Variants in MORC4 observed in about 807,000 individuals in gnomAD.
MORC4 encodes MORC family CW-type zinc finger protein 4.
MORC4 carries 22 observed loss-of-function variants against 65.5 expected under a neutral mutation model. The observed-to-expected ratio is 0.34, with a 90% confidence interval of 0.24 to 0.48. MORC4 has a LOEUF of 0.48. Ranked by LOEUF, MORC4 falls within the 20% of genes least tolerant of loss-of-function variation. The probability of loss-of-function intolerance (pLI) is 0.99; values close to 1 mark genes in which losing one functional copy is unlikely to be tolerated. For missense variants in MORC4, 624 were observed against 703.0 expected (o/e 0.89, Z 1.27); for synonymous variants, 267 against 255.8 (o/e 1.04, Z -0.42).
At chrX:106,998,217 A>G (rs1038132459) in intron 2 of MORC4, among the ~76,000 whole-genome samples, 4 of 112,199 alleles carry the variant, frequency 3.6e-5, no homozygotes, top group Non-Finnish European at 5.6e-5. Context: ...TATTATTAAT[A>G]TTTTCACAAA....
intron 9 of MORC4, among the ~76,000 whole-genome samples, chrX:106,971,852 C>A (rs992021056): frequency 8.9e-6 from 1 of 111,777 alleles, no homozygotes; most frequent in Non-Finnish European, 1.9e-5. Flanking sequence ...AAATAGGAAC[C>A]CTTTGACACT....
intron 8 of MORC4, among the ~76,000 whole-genome samples, chrX:106,977,295 G>A (rs1403377987): frequency 1.8e-5 from 2 of 111,332 alleles, no homozygotes; most frequent in Non-Finnish European, 3.8e-5. Context: ...ACACAAACAC[G>A]AGTTGTCTAA....
At chrX:106,947,464 A>G in intron 14 of MORC4, among the ~76,000 whole-genome samples, 2 of 101,925 alleles carry the variant, frequency 2.0e-5, no homozygotes, top group Middle Eastern at 5.2e-3. Flanking sequence ...ATTATTGTTG[A>G]ATTGTCTATT....
Position 106,958,338 on chromosome X carries a change from G to A in MORC4, c.1383C>T (p.Tyr461=). ...WFCYYNSHPK[Y]RRCSVPEEQE... ...AAGATTGAGTCCTGGAACCTTACCT[G>A]TACTTTGGATGGGAATTATAATAAC... Residue 461 remains tyrosine, a splice_region_variant and synonymous_variant, in exon 11 of 17, where the codon TAC becomes TAT. Transcript: ENST00000355610. The A allele has an allele frequency of 8.3e-7, 1 of 1,202,859 alleles. No individual in the cohort carries two copies. Among genetic ancestry groups the A allele is most frequent in the Non-Finnish European group, 1.1e-6 (1 of 889,933 alleles).
chrX:106,954,218 G>C (rs1287908996), intron 14 of MORC4, among the ~76,000 whole-genome samples: 2 of 112,601 alleles, frequency 1.8e-5, no homozygotes, highest in African/African-American at 3.2e-5. Flanking sequence ...AAGCAGAATA[G>C]AGAAGAGAAA....
At chrX:106,990,820 T>G (rs1286347025) in intron 3 of MORC4, among the ~76,000 whole-genome samples, 1 of 110,828 alleles carries the variant, frequency 9.0e-6, no homozygotes, top group East Asian at 2.8e-4. Context: ...TGCAATGAGC[T>G]GAGATCATGC....
At chrX:106,992,424 T>C (rs1935000574) in intron 3 of MORC4, among the ~76,000 whole-genome samples, 1 of 112,525 alleles carries the variant, frequency 8.9e-6, no homozygotes, top group Admixed American at 9.4e-5. Flanking sequence ...GTAATCAACC[T>C]CATCTGCTAA....
chrX:106,943,844 T>C (rs73638921), intron 14 of MORC4, among the ~76,000 whole-genome samples: 220 of 112,621 alleles, frequency 2.0e-3, no homozygotes, highest in African/African-American at 6.9e-3. Context: ...TGACAAAGAA[T>C]TCCCGTGCTC....
At chrX:106,989,887 G>A (rs1323076046) in intron 3 of MORC4, among the ~76,000 whole-genome samples, 4 of 95,035 alleles carry the variant, frequency 4.2e-5, no homozygotes, top group Non-Finnish European at 6.2e-5. Flanking sequence ...AAAAAACCCA[G>A]AAAACATAGA....
intron 10 of MORC4, among the ~76,000 whole-genome samples, chrX:106,961,339 A>C (rs1471330653): frequency 2.7e-5 from 3 of 112,218 alleles, no homozygotes; most frequent in African/African-American, 9.7e-5. Flanking sequence ...CTACTATATC[A>C]CACTACCAGT....
At chrX:106,977,522 A>AT (rs1934650640) in intron 8 of MORC4, among the ~76,000 whole-genome samples, 1 of 111,989 alleles carries the variant, frequency 8.9e-6, no homozygotes. Flanking sequence ...GGTTTAAAAA[A>AT]TATTTTCACA....
rs58310740 is a variant in MORC4 at position 106,941,371 on chromosome X, TGA to T, written c.*106_*107del. The T allele has an allele frequency of 0.051, 18,791 of 371,178 alleles. 44 individuals carry two copies. The highest frequency in any genetic ancestry group is 0.056 in the Non-Finnish European group (12,099 of 217,853). The allele number at this position is 371,178 out of a possible 1,213,427, so 30.6% of individuals were successfully genotyped here. ...TCTATATAAGGCATAAAGGTGAGGG[TGA>T]GAGAGAGAGAGAGAGAGAGAGAGAG... On this transcript the variant is annotated 3_prime_UTR_variant, in exon 17 of 17. Transcript: ENST00000355610.
chrX:106,955,346 T>G (rs1934082791), intron 13 of MORC4, among the ~76,000 whole-genome samples: 1 of 109,349 alleles, frequency 9.1e-6, no homozygotes, highest in Non-Finnish European at 1.9e-5. Context: ...ACCCCCAATA[T>G]AAACCCAGGC....
At chrX:106,996,234 G>C (rs1222754840) in intron 2 of MORC4, among the ~76,000 whole-genome samples, 2 of 100,383 alleles carry the variant, frequency 2.0e-5, no homozygotes, top group African/African-American at 7.5e-5. Flanking sequence ...TTTTAACACA[G>C]GCACTTCAGG....
chrX:106,960,183 C>T (rs1401503209), intron 10 of MORC4, among the ~76,000 whole-genome samples: 1 of 112,076 alleles, frequency 8.9e-6, no homozygotes, highest in Admixed American at 9.4e-5. Flanking sequence ...AAGAAAGGTC[C>T]TATTAGCTTC....
chrX:106,963,292 C>T, intron 9 of MORC4, among the ~76,000 whole-genome samples: 1 of 112,165 alleles, frequency 8.9e-6, no homozygotes, highest in South Asian at 3.7e-4. Context: ...GCAAAAGCTG[C>T]ATGATGTAAC....
chrX:106,972,807 G>T (rs185295497), intron 9 of MORC4, among the ~76,000 whole-genome samples: 1 of 112,216 alleles, frequency 8.9e-6, no homozygotes, highest in Non-Finnish European at 1.9e-5. Flanking sequence ...GCGTGGTGGC[G>T]CATGCCTGTA....
At chrX:106,975,674 T>C (rs746688757) in intron 9 of MORC4, among the ~76,000 whole-genome samples, 2 of 111,244 alleles carry the variant, frequency 1.8e-5, no homozygotes, top group Admixed American at 9.6e-5. Flanking sequence ...TCTTTCTCCA[T>C]ACTCCCAGAA....
At chrX:106,947,388 A>G (rs1398747873) in intron 14 of MORC4, among the ~76,000 whole-genome samples, 32 of 107,556 alleles carry the variant, frequency 3.0e-4, no homozygotes, top group Non-Finnish European at 5.7e-5. Flanking sequence ...CAAGTCTTCT[A>G]GTTCCTTGTT....
Sources: gnomAD v4.1 joint callset for allele counts (sites outside exome capture counted in the v4.1 genomes callset) on GRCh38, gnomAD v4.1.1 for gene constraint, MANE v1.5 for transcripts, NCBI Gene and HGNC (gene_info 2026-07-23, HGNC 2026-07-21) for gene names.